The following ALMS1 variants were observed in gnomAD, a reference collection of about 807,000 sequenced individuals.
ALMS1 encodes the protein centrosome-associated protein ALMS1.
In ALMS1, 271 loss-of-function variants were observed where a neutral mutation model predicts 352.2. That is an observed-to-expected ratio of 0.77 (90% CI 0.70 to 0.85). ALMS1 has a LOEUF of 0.85. Ranked by LOEUF, ALMS1 falls within the 40% of genes least tolerant of loss-of-function variation. The pLI is 0.00. For missense variants in ALMS1, 5,445 were observed against 4,870.7 expected, an observed-to-expected ratio of 1.12 and a Z score of -3.51; for synonymous variants, 1,865 against 1,761.2, an observed-to-expected ratio of 1.06 and a Z score of -1.48.
At chr2:73,543,127 T>C (rs1674227830) in intron 12 of ALMS1, among the ~76,000 whole-genome samples, 1 of 152,170 alleles carries the variant, frequency 6.6e-6, no homozygotes, top group Non-Finnish European at 1.5e-5. Flanking sequence ...ACTACAAGGC[T>C]ACAGTAACCA....
chr2:73,544,067 G>C (rs995578356), intron 12 of ALMS1, among the ~76,000 whole-genome samples: 3 of 152,098 alleles, frequency 2.0e-5, no homozygotes, highest in Non-Finnish European at 4.4e-5. Context: ...ACATGCACAG[G>C]TATGTTTATT....
At chr2:73,401,372 T>A (rs372269348) in intron 1 of ALMS1, among the ~76,000 whole-genome samples, 1 of 152,206 alleles carries the variant, frequency 6.6e-6, no homozygotes, top group African/African-American at 2.4e-5. Flanking sequence ...TGTTATAAAT[T>A]TCCCAGTAAG....
chr2:73,541,010 C>T (rs1202689162), intron 12 of ALMS1, among the ~76,000 whole-genome samples: 4 of 152,106 alleles, frequency 2.6e-5, no homozygotes, highest in African/African-American at 9.7e-5. Context: ...CTCAGCTCTG[C>T]ATGAAGCAGA....
Position 73,422,992 on chromosome 2 carries a change from C to T in ALMS1, c.764+18C>T, listed in dbSNP as rs1553400459. On this transcript the variant is annotated intron_variant, in intron 4 of 22. Coordinates refer to ENST00000613296, the MANE Select transcript of ALMS1 (RefSeq NM_001378454.1). Reference sequence around the variant, plus strand: ...CCTCTGAGGTAGGATGATTTATTTGCATGTAACCTTTCTCACTTCTTGTTC... The same window carrying T: ...CCTCTGAGGTAGGATGATTTATTTGTATGTAACCTTTCTCACTTCTTGTTC... The T allele has an allele frequency of 6.4e-7, 1 of 1,572,374 alleles. No individual in the cohort carries two copies. Among genetic ancestry groups the T allele is most frequent in the African/African-American group, 1.4e-5 (1 of 73,866 alleles).
intron 10 of ALMS1, among the ~76,000 whole-genome samples, chr2:73,500,807 T>C (rs1441789430): frequency 2.6e-5 from 4 of 152,156 alleles, no homozygotes; most frequent in Non-Finnish European, 4.4e-5. Flanking sequence ...GATTTTATGA[T>C]CTTCAATCTG....
At chr2:73,542,142 C>T (rs1488040096) in intron 12 of ALMS1, among the ~76,000 whole-genome samples, 1 of 152,156 alleles carries the variant, frequency 6.6e-6, no homozygotes, top group Non-Finnish European at 1.5e-5. Flanking sequence ...AAACCGAATC[C>T]AGCAGCACAT....
In ALMS1 at chr2:73,452,083, A is replaced by G. The variant is rs372017680; in HGVS notation, c.5556A>G (p.Pro1852=). Residue 1852 remains proline (P), a synonymous_variant, in exon 8 of 23, where the codon CCA becomes CCG. Transcript: ENST00000613296. The stretch of plus-strand genomic sequence containing the variant: ...ACATCCTGCCCTCTAATTCCTACCC[A>G]CAGAGAGAGCACTCTGTCATTTCTT... The part of the protein sequence containing the change: ...GINILPSNSY[P]QREHSVISYE... The G allele has an allele frequency of 1.2e-5, 19 of 1,614,018 alleles. No individual in the cohort carries two copies. The highest frequency in any genetic ancestry group is 3.3e-5 in the Admixed American group (2 of 59,982).
At chr2:73,544,388 A>ATAG (rs1190631479) in intron 12 of ALMS1, among the ~76,000 whole-genome samples, 2 of 152,186 alleles carry the variant, frequency 1.3e-5, no homozygotes, top group Non-Finnish European at 2.9e-5. Context: ...GCGGGGAGGG[A>ATAG]TAGCATTAGG....
chr2:73,453,894 T>G lies in ALMS1; in HGVS notation c.7367T>G (p.Ile2456Arg). ...CCATATGTTTCACCCAAGACAAGTA[T>G]AACAGATAGCAGGGAGGAAGAGGGT... Reference protein sequence around the residue: ...FFPYVSPKTSITDSREEEGVS... With the variant: ...FFPYVSPKTSRTDSREEEGVS... The change falls in exon 8 of 23, where the codon ATA becomes AGA. Residue 2456 changes from isoleucine (I) to arginine (R), a missense_variant. Transcript: ENST00000613296. 5 of 1,614,092 alleles carry G rather than the reference T, an allele frequency of 3.1e-6. No individual in the cohort carries two copies. The highest frequency in any genetic ancestry group is 4.2e-6 in the Non-Finnish European group (5 of 1,179,996).
intron 16 of ALMS1, among the ~76,000 whole-genome samples, chr2:73,596,305 C>T (rs1400795973): frequency 6.6e-6 from 1 of 152,052 alleles, no homozygotes; most frequent in East Asian, 1.9e-4. Flanking sequence ...TGTTGTCTAA[C>T]TTCATCTCTT....
At chr2:73,590,483 A>G (rs1252327734) in intron 16 of ALMS1, among the ~76,000 whole-genome samples, 1 of 152,146 alleles carries the variant, frequency 6.6e-6, no homozygotes, top group Non-Finnish European at 1.5e-5. Flanking sequence ...CTTAACAACT[A>G]TAATTTTTAA....
At chr2:73,408,772 T>C (rs767159510) in intron 2 of ALMS1, 25 bp downstream of exon 2, 1 of 984,756 alleles carries the variant, frequency 1.0e-6, no homozygotes, top group Non-Finnish European at 1.4e-6. Flanking sequence ...ACTGGCTAAC[T>C]TTTTTTTTTT....
Position 73,490,502 on chromosome 2 carries a change from G to C in ALMS1, c.8543G>C (p.Gly2848Ala). The change falls in exon 10 of 23, where the codon GGC becomes GCC. Residue 2848 changes from glycine to alanine, a missense_variant. Coordinates refer to ENST00000613296, the MANE Select transcript of ALMS1 (RefSeq NM_001378454.1). ...ISDNHTLISM[G>A]RPSSTLGVNR... ...GATAACCATACCCTTATTAGCATGG[G>C]CAGACCAAGTTCCACCCTAGGAGTA... 6.2e-7 allele frequency: 1 copy of C among 1,614,128 alleles called. No homozygotes were observed. The highest frequency in any genetic ancestry group is 8.5e-7 in the Non-Finnish European group (1 of 1,180,026).
chr2:73,513,257 G>A (rs545449794), intron 10 of ALMS1, among the ~76,000 whole-genome samples: 3 of 151,932 alleles, frequency 2.0e-5, no homozygotes, highest in Admixed American at 2.0e-4. Context: ...TCCCTACTTG[G>A]TCTCTGACTT....
At chr2:73,539,727 T>C (rs1674121533) in intron 12 of ALMS1, among the ~76,000 whole-genome samples, 1 of 152,144 alleles carries the variant, frequency 6.6e-6, no homozygotes, top group African/African-American at 2.4e-5. Context: ...ACGTGGCGAA[T>C]GTACAAGCCT....
intron 12 of ALMS1, among the ~76,000 whole-genome samples, chr2:73,545,203 CAG>C (rs530537279): frequency 1.3e-4 from 16 of 124,082 alleles, no homozygotes; most frequent in African/African-American, 4.7e-4. Flanking sequence ...TTTTTTGAAA[CAG>C]AGTCTTGCTT....
intron 1 of ALMS1, among the ~76,000 whole-genome samples, chr2:73,395,057 TGTGTATATATATATATA>T (rs1670729611): frequency 3.4e-5 from 4 of 115,968 alleles, no homozygotes; most frequent in Non-Finnish European, 7.5e-5. Flanking sequence ...TATATATATA[TGTGTATATATATATATA>T]TATATTTTTT....
In ALMS1 at chr2:73,395,067, T is replaced by C. The variant is rs1405683783; in HGVS notation, c.324+8875T>C. On this transcript the variant is annotated intron_variant, in intron 1 of 22. Coordinates refer to ENST00000613296, the MANE Select transcript of ALMS1 (RefSeq NM_001378454.1). ...GTGTATATATATATATGTGTATATA[T>C]ATATATATATATTTTTTTTTTTTTT... Among the ~76,000 whole-genome samples, 23 of 116,416 alleles carry C rather than the reference T, an allele frequency of 2.0e-4. 1 individual carries two copies. The highest frequency in any genetic ancestry group is 8.5e-4 in the African/African-American group (21 of 24,576). 76.4% of individuals were successfully genotyped at this position (116,416 alleles called of 152,430 possible). A position where few individuals can be genotyped will look rare whatever the true frequency, so the allele number is the denominator to read the frequency against.
At chr2:73,505,178 AAAC>A (rs974740202) in intron 10 of ALMS1, among the ~76,000 whole-genome samples, 1 of 152,208 alleles carries the variant, frequency 6.6e-6, no homozygotes, top group Admixed American at 6.5e-5. Flanking sequence ...ATGCTGCAGT[AAAC>A]ATACATGTGC....
Sources: gnomAD v4.1 joint callset for allele counts (sites outside exome capture counted in the v4.1 genomes callset) on GRCh38, gnomAD v4.1.1 for gene constraint, MANE v1.5 for transcripts, NCBI Gene and HGNC (gene_info 2026-07-23, HGNC 2026-07-21) for gene names.